RTL1: variants seen among roughly 807,000 people sequenced by gnomAD.
RTL1 encodes the protein retrotransposon Gag like 1.
For missense variants in RTL1, 1,681 were observed against 1,767.5 expected (o/e 0.95, Z 0.88); for synonymous variants, 727 against 748.4 (o/e 0.97, Z 0.47).
In RTL1 at chr14:100,879,843, C is replaced by T. The variant is rs952845095; in HGVS notation, c.*869G>A. Among the ~76,000 whole-genome samples, 2 of 151,884 alleles carry T rather than the reference C, an allele frequency of 1.3e-5. No homozygotes were observed. Among genetic ancestry groups the T allele is most frequent in the African/African-American group, 2.4e-5 (1 of 41,336 alleles). On this transcript the variant is annotated 3_prime_UTR_variant, in exon 4 of 4. Coordinates refer to ENST00000649591, the MANE Select transcript of RTL1 (RefSeq NM_001134888.3). ...GGAAGGGTCTACTCCCCTTGCAAAG[C>T]GGTGGTGTGGCCAGAGCCTCTCTGT...
At chr14:100,885,314 G>T (rs1475795050) in intron 3 of RTL1, among the ~76,000 whole-genome samples, 1 of 152,188 alleles carries the variant, frequency 6.6e-6, no homozygotes, top group African/African-American at 2.4e-5. Flanking sequence ...GCCACCCCTG[G>T]CAGGCTCAGG....
rs548621425 is a variant in RTL1, at chr14:100,896,413, C to T, written c.-148-2908G>A. Among the ~76,000 whole-genome samples, 22 of 152,132 alleles carry T rather than the reference C, an allele frequency of 1.4e-4. No individual in the cohort carries two copies. The East Asian group carries it at 1.5e-3, about 11-fold the overall frequency. On this transcript the variant is annotated intron_variant, in intron 2 of 3. Transcript: ENST00000649591. ...GACTGAGCAGGACGAGGGTGCCACC[C>T]GACTGGGTGTAAAGTGGGCTTAGTT...
At chr14:100,891,644 G>A (rs557993578) in intron 3 of RTL1, among the ~76,000 whole-genome samples, 12 of 152,318 alleles carry the variant, frequency 7.9e-5, no homozygotes, top group Non-Finnish European at 1.5e-4. Flanking sequence ...GGCGTGTGCC[G>A]CCTGCGGGAG....
Position 100,883,997 on chromosome 14 carries a change from G to A in RTL1, c.792C>T (p.Ile264=), listed in dbSNP as rs964491217. 10 of 1,551,702 alleles carry A rather than the reference G, an allele frequency of 6.4e-6. No homozygotes were observed. The highest frequency in any genetic ancestry group is 7.8e-6 in the Non-Finnish European group (9 of 1,147,006). ...KALLQENSPL[I]GDFPAFLEAM... is the part of the protein sequence containing the mutation. The stretch of plus-strand genomic sequence containing the variant: ...CCTCCAGGAAGGCTGGGAAGTCTCC[G>A]ATCAGGGGGCTGTTTTCCTGCAGTA... Residue 264 remains isoleucine, a synonymous_variant, in exon 4 of 4, where the codon ATC becomes ATT. Transcript: ENST00000649591. This position sits in a 1 kb window ranked among gnomAD's most constrained non-coding sequence, Gnocchi z 5.9.
At chr14:100,897,761 G>GGT (rs2038884842) in intron 2 of RTL1, 2 of 157,220 alleles carry the variant, frequency 1.3e-5, no homozygotes, top group Non-Finnish European at 2.6e-5. Context: ...CGGGGGGGGG[G>GGT]GTGGGGGGGT....
rs534067698 is a variant in RTL1, at chr14:100,880,449, C to G, written c.*263G>C. On this transcript the variant is annotated 3_prime_UTR_variant, in exon 4 of 4. Transcript: ENST00000649591. ...CTCCCTCATGGATGTCACTCCCGGG[C>G]ATGGGCTTGGGACCTGGAGAACGGA... 1.3e-5 allele frequency among the ~76,000 whole-genome samples: 2 copies of G among 152,120 alleles called. No homozygotes were observed. The highest frequency in any genetic ancestry group is 2.9e-5 in the Non-Finnish European group (2 of 68,012).
At chr14:100,898,074 A>G (rs2038893638) in intron 2 of RTL1, 2 of 408,978 alleles carry the variant, frequency 4.9e-6, no homozygotes, top group African/African-American at 2.0e-5. Flanking sequence ...ACCATTGTTG[A>G]TTACACTCTT....
chr14:100,880,996 G>A lies in RTL1; in HGVS notation c.3793C>T (p.Gln1265Ter). The A allele has an allele frequency of 1.3e-6, 2 of 1,565,312 alleles. No homozygotes were observed. The highest frequency in any genetic ancestry group is 1.2e-5 in the South Asian group (1 of 85,076). Residue 1265 changes from glutamine to a stop codon, truncating the protein, a stop_gained, in exon 4 of 4, where the codon CAG becomes TAG. Coordinates refer to ENST00000649591, the MANE Select transcript of RTL1 (RefSeq NM_001134888.3). LOFTEE classifies it low-confidence loss of function (END_TRUNC). Reference protein sequence around the residue: ...TSQDKQDNDVQEAPPSHTAAT... With the variant: ...TSQDKQDNDV ...GCTGTGTGGCTGGGTGGGGCCTCCT[G>A]CACGTCGTTGTCCTGCTTGTCCTGC...
In RTL1 at chr14:100,881,276, G is replaced by T; in HGVS notation, c.3513C>A (p.Gly1171=). ...AGTGCAGAGCATTTCGCTGCCAGCG[G>T]CCAGGGCCCAGGAACAGCTCAGCCA... ...QELAELFLGP[G]RWQRNALHSQ... The change falls in exon 4 of 4, where the codon GGC becomes GGA. Residue 1171 remains glycine (G), a synonymous_variant. Transcript: ENST00000649591. The surrounding 1 kb of genome is among the most constrained non-coding windows in gnomAD (Gnocchi z 6.6). 6.5e-7 allele frequency: 1 copy of T among 1,550,380 alleles called. No individual in the cohort carries two copies. The highest frequency in any genetic ancestry group is 8.7e-7 in the Non-Finnish European group (1 of 1,146,876).
chr14:100,903,379 C>A lies in RTL1; in HGVS notation c.-237G>T, dbSNP rs1478706092. The stretch of plus-strand genomic sequence containing the variant: ...CCGGTGGCTTCCTGTCCTCGAAGCT[C>A]AGTCGGTCTGGTGGGGGAAACAAAC... On this transcript the variant is annotated 5_prime_UTR_variant, in exon 2 of 4. Transcript: ENST00000649591. Among the ~76,000 whole-genome samples the A allele has an allele frequency of 6.6e-6, 1 of 152,050 alleles. No homozygotes were observed. The highest frequency in any genetic ancestry group is 1.5e-5 in the Non-Finnish European group (1 of 68,010).
chr14:100,881,256 A>C lies in RTL1; in HGVS notation c.3533T>G (p.Leu1178Arg). 1 of 1,549,902 alleles carries C rather than the reference A, an allele frequency of 6.5e-7. No homozygotes were observed. The highest frequency in any genetic ancestry group is 2.4e-5 in the East Asian group (1 of 40,846). Residue 1178 changes from leucine (L) to arginine (R), a missense_variant, in exon 4 of 4, where the codon CTG becomes CGG. Transcript: ENST00000649591. The surrounding 1 kb of genome is among the most constrained non-coding windows in gnomAD (Gnocchi z 6.6). ...CAGGCCTCGGTGGGCCTGGGAGTGC[A>C]GAGCATTTCGCTGCCAGCGGCCAGG... ...LGPGRWQRNALHSQAHRGLQF... is the reference protein window; with the variant it reads ...LGPGRWQRNARHSQAHRGLQF...
In RTL1 at chr14:100,880,516, G is replaced by T; in HGVS notation, c.*196C>A. 8.8e-7 allele frequency: 1 copy of T among 1,134,010 alleles called. No individual in the cohort carries two copies. Among genetic ancestry groups the T allele is most frequent in the Non-Finnish European group, 1.2e-6 (1 of 825,362 alleles). 70.2% of individuals were successfully genotyped at this position (1,134,010 alleles called of 1,614,324 possible). A position where few individuals can be genotyped will look rare whatever the true frequency, so the allele number is the denominator to read the frequency against. ...GCTGGCGCTGGGTCTCTGAGGACTG[G>T]GTAGTCCGTTAGCACAGGTGGCATT... is the stretch of plus-strand genomic sequence containing the variant. On this transcript the variant is annotated 3_prime_UTR_variant, in exon 4 of 4. Transcript: ENST00000649591.
intron 3 of RTL1, among the ~76,000 whole-genome samples, chr14:100,890,909 A>T (rs1018812707): frequency 1.3e-5 from 2 of 152,090 alleles, no homozygotes; most frequent in African/African-American, 4.8e-5. Flanking sequence ...GTTATTATTT[A>T]TCGATTATTA....
intron 2 of RTL1, among the ~76,000 whole-genome samples, chr14:100,894,317 AAAAAAAAAAG>A (rs369728697): frequency 0.024 from 3,608 of 149,302 alleles, 62 homozygotes; most frequent in Middle Eastern, 0.067. Flanking sequence ...CTCAAAAAAA[AAAAAAAAAAG>A]AAAAAAAAAG....
rs1369884122 is a variant in RTL1 at position 100,893,968 on chromosome 14, T to C, written c.-148-463A>G. Among the ~76,000 whole-genome samples, 1 of 152,230 alleles carries C rather than the reference T, an allele frequency of 6.6e-6. No individual in the cohort carries two copies. Among genetic ancestry groups the C allele is most frequent in the Non-Finnish European group, 1.5e-5 (1 of 68,042 alleles). ...TGCTCTTCAGTTCCTGGAAGCCTCCTGCCCTTGGTGGACAACCATTTTGCT... is the reference window on the plus strand; with the variant it reads ...TGCTCTTCAGTTCCTGGAAGCCTCCCGCCCTTGGTGGACAACCATTTTGCT... On this transcript the variant is annotated intron_variant, in intron 2 of 3. Coordinates refer to ENST00000649591, the MANE Select transcript of RTL1 (RefSeq NM_001134888.3). This position sits in a 1 kb window ranked among gnomAD's most constrained non-coding sequence, Gnocchi z 4.2.
chr14:100,900,943 G>A (rs1423942030), intron 2 of RTL1, among the ~76,000 whole-genome samples: 5 of 152,242 alleles, frequency 3.3e-5, no homozygotes, highest in East Asian at 1.9e-4. Context: ...AGAGGCTCCC[G>A]AGAAACAAAC....
chr14:100,881,794 G>C lies in RTL1; in HGVS notation c.2995C>G (p.Leu999Val). The C allele has an allele frequency of 6.2e-7, 1 of 1,614,040 alleles. No individual in the cohort carries two copies. Among genetic ancestry groups the C allele is most frequent in the Non-Finnish European group, 8.5e-7 (1 of 1,180,006 alleles). ...GGRALPPVRN[L>V]RWRRAFQRNT... ...CTCTGGAAGGCTCTCCTCCACCGGA[G>C]GTTTCTCACAGGTGGCAGAGCTCGG... The change falls in exon 4 of 4, where the codon CTC (leucine) becomes GTC (valine). Residue 999 changes from leucine to valine, a missense_variant. Physicochemically the swap from Leu to Val is conservative, Grantham distance 32. Transcript: ENST00000649591. This position sits in a 1 kb window ranked among gnomAD's most constrained non-coding sequence, Gnocchi z 6.6.
chr14:100,888,628 A>C (rs577054533), intron 3 of RTL1, among the ~76,000 whole-genome samples: 1 of 152,354 alleles, frequency 6.6e-6, no homozygotes, highest in East Asian at 1.9e-4. Context: ...CAAAATTCTT[A>C]GCATAAAATG....
intron 2 of RTL1, among the ~76,000 whole-genome samples, chr14:100,897,353 A>G (rs1359488585): frequency 1.3e-5 from 2 of 152,132 alleles, no homozygotes; most frequent in East Asian, 3.9e-4. Flanking sequence ...CAAGAAATGG[A>G]TTGATAATTA....
Sources: gnomAD v4.1 joint callset for allele counts (sites outside exome capture counted in the v4.1 genomes callset) on GRCh38, gnomAD v4.1.1 for gene constraint, Gnocchi (gnomAD v3.1) non-coding constraint, MANE v1.5 for transcripts, NCBI Gene and HGNC (gene_info 2026-07-23, HGNC 2026-07-21) for gene names.